The following RCAN1 variants were observed in gnomAD, a reference collection of about 807,000 sequenced individuals.
The protein encoded by RCAN1 is regulator of calcineurin 1.
In RCAN1, 11 loss-of-function variants were observed where a neutral mutation model predicts 22.9. The observed-to-expected ratio is 0.48, with a 90% confidence interval of 0.30 to 0.79. The LOEUF (loss-of-function observed/expected upper bound fraction) is 0.79. RCAN1 is among the 30% of genes least tolerant of loss of function. The probability of loss-of-function intolerance (pLI) is 0.06; values close to 1 mark genes in which losing one functional copy is unlikely to be tolerated. For missense variants in RCAN1, 291 were observed against 337.8 expected (o/e 0.86, Z 1.09); for synonymous variants, 136 against 142.3 (o/e 0.96, Z 0.32).
intron 2 of RCAN1, among the ~76,000 whole-genome samples, chr21:34,523,304 C>T (rs1328094501): frequency 6.6e-6 from 1 of 152,206 alleles, no homozygotes; most frequent in Non-Finnish European, 1.5e-5. Context: ...TTCTTTCCCC[C>T]ATCATTATCA....
At chr21:34,523,492 G>A (rs1185434678) in intron 2 of RCAN1, 45 bp downstream of exon 2, 1 of 1,589,676 alleles carries the variant, frequency 6.3e-7, no homozygotes, top group East Asian at 2.2e-5. Flanking sequence ...ACAAAAGGGA[G>A]GGAGGGAGGA....
intron 1 of RCAN1, among the ~76,000 whole-genome samples, chr21:34,593,110 G>C (rs890474236): frequency 6.6e-6 from 1 of 152,194 alleles, no homozygotes; most frequent in Non-Finnish European, 1.5e-5. Context: ...ATTTGACCCT[G>C]AGTTTATATA....
intron 1 of RCAN1, among the ~76,000 whole-genome samples, chr21:34,549,009 C>T (rs1439301100): frequency 6.6e-6 from 1 of 152,194 alleles, no homozygotes; most frequent in Non-Finnish European, 1.5e-5. Flanking sequence ...TGGTCCAACA[C>T]CCAGGATAGG....
chr21:34,537,388 G>GA (rs1199069912), intron 1 of RCAN1, among the ~76,000 whole-genome samples: 1 of 152,204 alleles, frequency 6.6e-6, no homozygotes. Context: ...AACATTGACG[G>GA]AAAATTAGTT....
intron 1 of RCAN1, among the ~76,000 whole-genome samples, chr21:34,593,583 A>T (rs1194139963): frequency 6.6e-6 from 1 of 152,186 alleles, no homozygotes; most frequent in African/African-American, 2.4e-5. Flanking sequence ...TCTTAGTCAC[A>T]GAAGGGGGCA....
chr21:34,523,805 C>CAA, intron 1 of RCAN1, 95 bp from the exon 2 acceptor site: 1 of 1,037,258 alleles, frequency 9.6e-7, no homozygotes, highest in Non-Finnish European at 1.4e-6. Context: ...TTCTTCGAGA[C>CAA]AGAGTCTTGC....
rs1208414329 is a variant in RCAN1 at position 34,516,579 on chromosome 21, G to T, written c.*1505C>A. ...TCTCCAGTTTAAAAGCACTTAACAA[G>T]AAACACTTGGACAGCGATGCAATGG... is the stretch of plus-strand genomic sequence containing the variant. On this transcript the variant is annotated 3_prime_UTR_variant, in exon 4 of 4. Transcript: ENST00000313806. The T allele has an allele frequency of 6.6e-6, 1 of 152,154 alleles. No individual in the cohort carries two copies. The highest frequency in any genetic ancestry group is 1.5e-5 in the Non-Finnish European group (1 of 68,034). 9.4% of individuals were successfully genotyped at this position (152,154 alleles called of 1,614,324 possible). A position where few individuals can be genotyped will look rare whatever the true frequency, so the allele number is the denominator to read the frequency against.
intron 1 of RCAN1, among the ~76,000 whole-genome samples, chr21:34,552,703 C>T (rs1468593731): frequency 6.6e-6 from 1 of 151,678 alleles, no homozygotes; most frequent in Non-Finnish European, 1.5e-5. Context: ...CACACATAGA[C>T]ACATACCAAG....
intron 2 of RCAN1, chr21:34,522,282 CAGTGATGAG>C (rs1312913912): frequency 2.0e-5 from 3 of 152,016 alleles, no homozygotes; most frequent in African/African-American, 7.3e-5. Context: ...AAATGCTGAC[CAGTGATGAG>C]AGGGCTGTCC....
chr21:34,588,480 T>C (rs950205153), intron 1 of RCAN1, among the ~76,000 whole-genome samples: 4 of 152,370 alleles, frequency 2.6e-5, no homozygotes, highest in African/African-American at 9.6e-5. Flanking sequence ...TAGCTTTTTA[T>C]TGATTATACC....
chr21:34,614,495 C>T lies in RCAN1; in HGVS notation c.252+265G>A, dbSNP rs570105530. The T allele has an allele frequency of 5.0e-3, 5,203 of 1,039,874 alleles. 12 individuals carry two copies. The highest frequency in any genetic ancestry group is 6.4e-3 in the Middle Eastern group (14 of 2,202). 64.4% of individuals were successfully genotyped at this position (1,039,874 alleles called of 1,614,324 possible). On this transcript the variant is annotated intron_variant, in intron 1 of 3. Transcript: ENST00000313806. The surrounding 1 kb of genome is among the most constrained non-coding windows in gnomAD (Gnocchi z 6.0). ...GAGCGAATTCACCCCCCTAGTCGCA[C>T]CAGCCTGGGCGCACACGGGGGCCGG...
intron 1 of RCAN1, among the ~76,000 whole-genome samples, chr21:34,584,475 A>C (rs1987722715): frequency 6.6e-6 from 1 of 152,248 alleles, no homozygotes. Flanking sequence ...CGTTCTTGTG[A>C]ATAAATCCTC....
intron 1 of RCAN1, among the ~76,000 whole-genome samples, chr21:34,601,032 C>A (rs1400055486): frequency 6.6e-6 from 1 of 152,210 alleles, no homozygotes; most frequent in East Asian, 1.9e-4. Context: ...CACACAGCTT[C>A]TGAAAGTGCC....
intron 1 of RCAN1, among the ~76,000 whole-genome samples, chr21:34,556,700 T>A (rs1986587635): frequency 6.6e-6 from 1 of 152,188 alleles, no homozygotes. Flanking sequence ...TTTAGAACAC[T>A]TTTCAAAAGG....
At chr21:34,535,937 A>G (rs1238129189) in intron 1 of RCAN1, among the ~76,000 whole-genome samples, 1 of 152,150 alleles carries the variant, frequency 6.6e-6, no homozygotes, top group Non-Finnish European at 1.5e-5. Context: ...AGAGAAAAAT[A>G]AAATAATTGG....
At position 34,529,372 on chromosome 21, in the gene RCAN1, T is replaced by C. The variant is rs987315356; in HGVS notation, c.253-5662A>G. ...AATCCTTAGTGGCACTTGGACACTC[T>C]GGTTGGCCAACAGGGCAAAGCACAG... is the stretch of plus-strand genomic sequence containing the variant. On this transcript the variant is annotated intron_variant, in intron 1 of 3. Transcript: ENST00000313806. Among the ~76,000 whole-genome samples, 9 of 152,226 alleles carry C rather than the reference T, an allele frequency of 5.9e-5. No individual in the cohort carries two copies. The East Asian group carries it at 1.5e-3, about 26-fold the overall frequency.
At chr21:34,533,039 C>T (rs1478097126) in intron 1 of RCAN1, among the ~76,000 whole-genome samples, 2 of 151,204 alleles carry the variant, frequency 1.3e-5, no homozygotes, top group Admixed American at 6.6e-5. Context: ...CGGCTCACTG[C>T]AAGCTCCGCC....
At chr21:34,542,720 A>G (rs1054519519) in intron 1 of RCAN1, among the ~76,000 whole-genome samples, 8 of 152,248 alleles carry the variant, frequency 5.3e-5, no homozygotes, top group African/African-American at 2.4e-5. Flanking sequence ...GATGGGCAGA[A>G]GTGGCAAGGA....
chr21:34,552,698 A>T (rs773138495), intron 1 of RCAN1, among the ~76,000 whole-genome samples: 1 of 152,168 alleles, frequency 6.6e-6, no homozygotes, highest in Non-Finnish European at 1.5e-5. Context: ...TCATGCACAC[A>T]TAGACACATA....
Sources: allele counts gnomAD v4.1 joint callset (sites outside exome capture counted in the v4.1 genomes callset), GRCh38; gene constraint gnomAD v4.1.1; non-coding constraint Gnocchi (gnomAD v3.1); transcripts MANE v1.5; gene names NCBI Gene and HGNC (gene_info 2026-07-23, HGNC 2026-07-21).